The following DCHS2 variants were observed in gnomAD, a reference collection of about 807,000 sequenced individuals.
DCHS2 encodes dachsous cadherin-related 2.
A neutral mutation model predicts 182.4 loss-of-function variants in DCHS2; 142 were observed. That is an observed-to-expected ratio of 0.78 (90% CI 0.68 to 0.89). DCHS2 has a LOEUF of 0.89. Ranked by LOEUF, DCHS2 falls within the 40% of genes least tolerant of loss-of-function variation. The probability of loss-of-function intolerance (pLI) is 0.00; values close to 1 mark genes in which losing one functional copy is unlikely to be tolerated. For missense variants in DCHS2, 4,319 were observed against 4,198.6 expected, an observed-to-expected ratio of 1.03 and a Z score of -0.79; for synonymous variants, 1,740 against 1,663.3, an observed-to-expected ratio of 1.05 and a Z score of -1.12.
chr4:154,299,008 C>G (rs1454513034), intron 12 of DCHS2, among the ~76,000 whole-genome samples: 1 of 152,078 alleles, frequency 6.6e-6, no homozygotes, highest in Non-Finnish European at 1.5e-5. Flanking sequence ...TTGTGTGCAT[C>G]TACAACTTTT....
At chr4:154,249,946 A>G (rs1732271465) in intron 16 of DCHS2, among the ~76,000 whole-genome samples, 1 of 152,158 alleles carries the variant, frequency 6.6e-6, no homozygotes, top group Admixed American at 6.5e-5. Flanking sequence ...TACTGTGCTC[A>G]CTACATAGTA....
intron 1 of DCHS2, among the ~76,000 whole-genome samples, chr4:154,408,199 A>T (rs1417207073): frequency 6.6e-6 from 1 of 152,234 alleles, no homozygotes; most frequent in Admixed American, 6.5e-5. Context: ...AATTTAAAAC[A>T]CTTCTCTCAT....
chr4:154,288,138 T>G (rs957980007), intron 13 of DCHS2, among the ~76,000 whole-genome samples: 1 of 151,948 alleles, frequency 6.6e-6, no homozygotes, highest in African/African-American at 2.4e-5. Flanking sequence ...TATGGTTAAA[T>G]GGATATAAGA....
At chr4:154,240,354 A>T (rs1308034397) in intron 18 of DCHS2, among the ~76,000 whole-genome samples, 183 bp downstream of exon 18, 1 of 152,086 alleles carries the variant, frequency 6.6e-6, no homozygotes, top group Non-Finnish European at 1.5e-5. Context: ...CGAATGAGAC[A>T]TTCATTTCCA....
At chr4:154,471,998 G>A (rs1223913435) in intron 1 of DCHS2, among the ~76,000 whole-genome samples, 8 of 151,298 alleles carry the variant, frequency 5.3e-5, no homozygotes, top group Non-Finnish European at 7.4e-5. Context: ...AATATTGTAC[G>A]CCTCATGTCC....
chr4:154,240,761 A>G lies in DCHS2; in HGVS notation c.7135T>C (p.Phe2379Leu), dbSNP rs1191487480. The change falls in exon 18 of 20, where the codon TTC becomes CTC. Residue 2379 changes from phenylalanine (F) to leucine (L), a missense_variant. Coordinates refer to ENST00000357232, the MANE Select transcript of DCHS2 (RefSeq NM_001358235.2). ...SVHDVDLNSAFIFSFAKESNP... is the reference protein window; with the variant it reads ...SVHDVDLNSALIFSFAKESNP... ...CTCTCTTTGGCAAAACTGAATATGAAAGCTGAATTCAAATCCACATCATGA... is the reference window on the plus strand; with the variant it reads ...CTCTCTTTGGCAAAACTGAATATGAGAGCTGAATTCAAATCCACATCATGA... 3 of 1,613,958 alleles carry G rather than the reference A, an allele frequency of 1.9e-6. No individual in the cohort carries two copies. Among genetic ancestry groups the G allele is most frequent in the Non-Finnish European group, 8.5e-7 (1 of 1,179,904 alleles).
intron 1 of DCHS2, among the ~76,000 whole-genome samples, chr4:154,414,248 T>C (rs937872079): frequency 1.3e-5 from 2 of 151,902 alleles, no homozygotes; most frequent in African/African-American, 4.8e-5. Flanking sequence ...TATCTCTTTA[T>C]GTTTAGAAGA....
intron 1 of DCHS2, among the ~76,000 whole-genome samples, chr4:154,446,901 G>A (rs1383535410): frequency 6.6e-6 from 1 of 152,064 alleles, no homozygotes; most frequent in East Asian, 1.9e-4. Flanking sequence ...TGAGGTAGTG[G>A]ACACACTTCA....
At chr4:154,419,263 G>A (rs1018368422) in intron 1 of DCHS2, among the ~76,000 whole-genome samples, 1 of 152,282 alleles carries the variant, frequency 6.6e-6, no homozygotes, top group East Asian at 1.9e-4. Context: ...ATAGAGTAAG[G>A]TTCTGGACTT....
chr4:154,342,333 T>C (rs529356172), intron 3 of DCHS2, among the ~76,000 whole-genome samples: 2 of 152,276 alleles, frequency 1.3e-5, no homozygotes, highest in Admixed American at 6.5e-5. Context: ...TTACTGAAGG[T>C]GGCGGTGGCT....
intron 1 of DCHS2, among the ~76,000 whole-genome samples, chr4:154,475,995 A>T (rs1735665032): frequency 6.6e-6 from 1 of 152,182 alleles, no homozygotes; most frequent in Admixed American, 6.5e-5. Flanking sequence ...TATTCTGCTT[A>T]AAAGGATTGG....
intron 1 of DCHS2, among the ~76,000 whole-genome samples, chr4:154,380,079 A>G (rs1201920365): frequency 6.6e-6 from 1 of 152,154 alleles, no homozygotes; most frequent in Non-Finnish European, 1.5e-5. Flanking sequence ...CTTCACAACA[A>G]AGAATTATCT....
chr4:154,343,066 T>A (rs755308482), intron 3 of DCHS2, among the ~76,000 whole-genome samples: 2 of 152,218 alleles, frequency 1.3e-5, no homozygotes, highest in East Asian at 1.9e-4. Context: ...GGTAGCCATG[T>A]GCATTGTCAG....
chr4:154,314,352 A>G (rs1213911571), intron 10 of DCHS2, among the ~76,000 whole-genome samples: 1 of 152,180 alleles, frequency 6.6e-6, no homozygotes, highest in African/African-American at 2.4e-5. Context: ...ATTGTTTCTG[A>G]CACCCTAAAA....
chr4:154,260,221 G>A (rs184712150), intron 14 of DCHS2, among the ~76,000 whole-genome samples: 47 of 152,178 alleles, frequency 3.1e-4, no homozygotes, highest in South Asian at 1.0e-3. Context: ...TTTCCCCACC[G>A]ACCCGGGTCA....
chr4:154,284,923 C>G (rs757990758), intron 13 of DCHS2, among the ~76,000 whole-genome samples: 3 of 152,126 alleles, frequency 2.0e-5, no homozygotes, highest in Non-Finnish European at 4.4e-5. Flanking sequence ...TTCACCACCC[C>G]TCCCCTAACC....
At chr4:154,410,683 A>G in intron 1 of DCHS2, among the ~76,000 whole-genome samples, 1 of 151,988 alleles carries the variant, frequency 6.6e-6, no homozygotes, top group Non-Finnish European at 1.5e-5. Context: ...GAGAAGAGAA[A>G]AAGATAGGGA....
chr4:154,321,444 CCAG>C (rs1736058446), intron 8 of DCHS2, among the ~76,000 whole-genome samples: 2 of 152,048 alleles, frequency 1.3e-5, no homozygotes, highest in African/African-American at 4.8e-5. Flanking sequence ...TTTCTATTTC[CCAG>C]TTTGCTGTAT....
chr4:154,435,223 C>T (rs1733726610), intron 1 of DCHS2, among the ~76,000 whole-genome samples: 1 of 152,144 alleles, frequency 6.6e-6, no homozygotes, highest in Admixed American at 6.5e-5. Context: ...TTATTAGAAG[C>T]AAAAACAAAG....
Sources: allele counts gnomAD v4.1 joint callset (sites outside exome capture counted in the v4.1 genomes callset), GRCh38; gene constraint gnomAD v4.1.1; transcripts MANE v1.5; gene names NCBI Gene and HGNC (gene_info 2026-07-23, HGNC 2026-07-21).